The following MGLL variants were observed in gnomAD, a reference collection of about 807,000 sequenced individuals.
MGLL encodes the protein lysophospholipase homolog.
A neutral mutation model predicts 29.1 loss-of-function variants in MGLL; 7 were observed. The ratio of observed to expected loss-of-function variants is 0.24; its 90% confidence interval spans 0.14 to 0.45. The LOEUF (loss-of-function observed/expected upper bound fraction) is 0.45, where lower values mean the gene tolerates loss of function less well. Among genes scored for constraint, MGLL ranks in the 20% least tolerant of loss-of-function variants. MGLL has a pLI of 0.99. For synonymous variants in MGLL, 148 were observed against 168.3 expected (o/e 0.88, Z 0.93); for missense variants, 356 against 413.6 (o/e 0.86, Z 1.21).
chr3:127,762,139 C>T (rs961367172), intron 3 of MGLL, among the ~76,000 whole-genome samples: 4 of 152,222 alleles, frequency 2.6e-5, no homozygotes, highest in Non-Finnish European at 5.9e-5. Flanking sequence ...CCTGACAGTG[C>T]AGTCGTGGTT....
At chr3:127,704,380 T>A (rs979623343) in intron 6 of MGLL, among the ~76,000 whole-genome samples, 2 of 152,116 alleles carry the variant, frequency 1.3e-5, no homozygotes, top group Non-Finnish European at 2.9e-5. Context: ...TAACAAATGG[T>A]ATCTAATTAA....
intron 2 of MGLL, among the ~76,000 whole-genome samples, chr3:127,807,750 CTTTTTTTTTT>C (rs35444871): frequency 1.8e-3 from 105 of 59,480 alleles, no homozygotes; most frequent in Admixed American, 2.4e-3. Context: ...TGTGAAAAGT[CTTTTTTTTTT>C]TTTTTTTTTT....
intron 3 of MGLL, among the ~76,000 whole-genome samples, chr3:127,746,622 C>T (rs1049028849): frequency 4.6e-5 from 7 of 152,290 alleles, no homozygotes; most frequent in East Asian, 3.9e-4. Context: ...CCTCTAGCTG[C>T]ACCCCCTGTC....
intron 3 of MGLL, among the ~76,000 whole-genome samples, chr3:127,767,964 T>C (rs1576570823): frequency 1.3e-5 from 2 of 152,320 alleles, no homozygotes; most frequent in Admixed American, 1.3e-4. Context: ...TTTCATAGAT[T>C]AGGAAACCAA....
chr3:127,786,317 C>T (rs969821161), intron 2 of MGLL, among the ~76,000 whole-genome samples: 7 of 152,244 alleles, frequency 4.6e-5, no homozygotes, highest in Admixed American at 1.3e-4. Flanking sequence ...CCCTGCCGTT[C>T]TGCAACCTCA....
At chr3:127,726,176 GAA>G (rs1457161079) in intron 3 of MGLL, among the ~76,000 whole-genome samples, 1 of 47,106 alleles carries the variant, frequency 2.1e-5, no homozygotes, top group East Asian at 5.6e-4. Context: ...AAGAAAGAAA[GAA>G]AGAAAGAAAA....
In MGLL at chr3:127,748,161, G is replaced by A. The variant is rs187388482; in HGVS notation, c.263-25595C>T. Among the ~76,000 whole-genome samples the A allele has an allele frequency of 5.0e-4, 76 of 152,230 alleles. No individual in the cohort carries two copies. The East Asian group carries it at 5.8e-3, about 12-fold the overall frequency. ...GCCCCTCACTGGATCTGACTAACACGGGCAGGGCTGGTTTAATATTTTTCC... is the reference window on the plus strand; with the variant it reads ...GCCCCTCACTGGATCTGACTAACACAGGCAGGGCTGGTTTAATATTTTTCC... On this transcript the variant is annotated intron_variant, in intron 3 of 7. Coordinates refer to ENST00000265052, the MANE Select transcript of MGLL (RefSeq NM_007283.7).
At chr3:127,768,426 T>A (rs1283665878) in intron 3 of MGLL, among the ~76,000 whole-genome samples, 4 of 152,212 alleles carry the variant, frequency 2.6e-5, no homozygotes, top group African/African-American at 4.8e-5. Context: ...AAAGCCCGTG[T>A]GTCTAACCAT....
intron 2 of MGLL, among the ~76,000 whole-genome samples, chr3:127,813,085 T>C (rs552803114): frequency 3.3e-5 from 5 of 152,274 alleles, no homozygotes; most frequent in South Asian, 4.1e-4. Context: ...CCTGGGAAAA[T>C]TGACATGCCT....
intron 2 of MGLL, among the ~76,000 whole-genome samples, chr3:127,783,604 G>A (rs1186744439): frequency 6.6e-6 from 1 of 152,236 alleles, no homozygotes; most frequent in East Asian, 1.9e-4. Context: ...GCACCAGTTT[G>A]TTTTATGGTG....
chr3:127,793,996 C>T (rs920977681), intron 2 of MGLL, among the ~76,000 whole-genome samples: 3 of 152,176 alleles, frequency 2.0e-5, no homozygotes, highest in South Asian at 2.1e-4. Flanking sequence ...CTATGAAGTC[C>T]GGCTGTCTTC....
At chr3:127,704,040 A>G (rs916830297) in intron 6 of MGLL, among the ~76,000 whole-genome samples, 17 of 152,350 alleles carry the variant, frequency 1.1e-4, no homozygotes, top group South Asian at 1.0e-3. Flanking sequence ...CATATAACCA[A>G]TGGAACAGAA....
chr3:127,758,432 C>G (rs1185594341), intron 3 of MGLL, among the ~76,000 whole-genome samples: 2 of 152,240 alleles, frequency 1.3e-5, no homozygotes, highest in Admixed American at 1.3e-4. Flanking sequence ...CAAGCTAATA[C>G]ATTATAGACT....
intron 2 of MGLL, among the ~76,000 whole-genome samples, chr3:127,819,056 CT>C (rs1207544382): frequency 6.6e-6 from 1 of 152,230 alleles, no homozygotes; most frequent in Non-Finnish European, 1.5e-5. Flanking sequence ...AAAAACAGCA[CT>C]GATGGTAAAG....
chr3:127,774,803 G>A (rs2077006212), intron 3 of MGLL, among the ~76,000 whole-genome samples: 1 of 152,170 alleles, frequency 6.6e-6, no homozygotes, highest in Non-Finnish European at 1.5e-5. Flanking sequence ...GAATCCTGGG[G>A]TGGGCCCAGC....
intron 2 of MGLL, among the ~76,000 whole-genome samples, chr3:127,789,722 A>G (rs1226388251): frequency 1.3e-5 from 2 of 152,146 alleles, no homozygotes; most frequent in African/African-American, 2.4e-5. Flanking sequence ...GAAAGAAAGG[A>G]AAGAAAGGAA....
At chr3:127,736,787 T>C (rs531913520) in intron 3 of MGLL, among the ~76,000 whole-genome samples, 1 of 152,282 alleles carries the variant, frequency 6.6e-6, no homozygotes, top group South Asian at 2.1e-4. Flanking sequence ...CTCGACCTCC[T>C]GGGCTCCAAT....
intron 6 of MGLL, among the ~76,000 whole-genome samples, chr3:127,705,916 G>C (rs1267458692): frequency 6.6e-6 from 1 of 152,134 alleles, no homozygotes; most frequent in African/African-American, 2.4e-5. Flanking sequence ...ATACCCATTA[G>C]GATGGCTACT....
chr3:127,695,091 G>A lies in MGLL; in HGVS notation c.700C>T (p.Leu234Phe). 1 of 1,614,172 alleles carries A rather than the reference G, an allele frequency of 6.2e-7. No homozygotes were observed. The highest frequency in any genetic ancestry group is 1.1e-5 in the South Asian group (1 of 91,088). Reference sequence around the variant, plus strand: ...AGGAAGGGCACAGTCAGCTTGGGGAGGGCGCGCTCCACCCGTGAGACGGCA... The same window carrying A: ...AGGAAGGGCACAGTCAGCTTGGGGAAGGCGCGCTCCACCCGTGAGACGGCA... Reference protein sequence around the residue: ...LNAVSRVERALPKLTVPFLLL... With the variant: ...LNAVSRVERAFPKLTVPFLLL... The change falls in exon 7 of 8, where the codon CTC becomes TTC. Residue 234 changes from leucine (L) to phenylalanine (F), a missense_variant. Physicochemically the swap from Leu to Phe is conservative, Grantham distance 22. Transcript: ENST00000265052.
Sources: allele counts gnomAD v4.1 joint callset (sites outside exome capture counted in the v4.1 genomes callset), GRCh38; gene constraint gnomAD v4.1.1; transcripts MANE v1.5; gene names NCBI Gene and HGNC (gene_info 2026-07-23, HGNC 2026-07-21).